Variants in FRA10AC1 observed in about 807,000 individuals in gnomAD.
FRA10AC1 encodes the protein protein FRA10AC1.
FRA10AC1 carries 43 observed loss-of-function variants against 56.5 expected under a neutral mutation model. The observed-to-expected ratio is 0.76, with a 90% CI of 0.60 to 0.98. FRA10AC1 has a LOEUF of 0.98. Among genes scored for constraint, FRA10AC1 ranks in the 50% least tolerant of loss-of-function variants. The pLI is 0.00. For missense variants in FRA10AC1, 346 were observed against 351.8 expected (o/e 0.98, Z 0.13); for synonymous variants, 112 against 110.5 (o/e 1.01, Z -0.09).
intron 11 of FRA10AC1, among the ~76,000 whole-genome samples, chr10:93,678,753 G>T (rs2058884168): frequency 6.6e-6 from 1 of 151,938 alleles, no homozygotes; most frequent in South Asian, 2.1e-4. Context: ...AGGATCACAT[G>T]GGCCTCCGAG....
At chr10:93,696,452 C>T (rs1279024871) in intron 4 of FRA10AC1, among the ~76,000 whole-genome samples, 1 of 152,162 alleles carries the variant, frequency 6.6e-6, no homozygotes, top group Non-Finnish European at 1.5e-5. Context: ...AGTCAGGAAA[C>T]AACAGATGCT....
Position 93,692,662 on chromosome 10 carries a change from C to T in FRA10AC1, c.364G>A (p.Glu122Lys), listed in dbSNP as rs765938342. 1.2e-5 allele frequency: 19 copies of T among 1,594,770 alleles called. No individual in the cohort carries two copies. The highest frequency in any genetic ancestry group is 8.1e-5 in the African/African-American group (6 of 73,916). The change falls in exon 6 of 14, where the codon GAA becomes AAA. Residue 122 changes from glutamate to lysine, a missense_variant. Physicochemically the swap from Glu to Lys is moderately conservative, Grantham distance 56. Transcript: ENST00000359204. ...NHRFLWNEED[E>K]MDMTWEKRLA... ...GCTAATTACCAAGTCATGTCCATTTCGTCCTCCTCATTCCATAGGAATCTA... is the reference window on the plus strand; with the variant it reads ...GCTAATTACCAAGTCATGTCCATTTTGTCCTCCTCATTCCATAGGAATCTA...
intron 7 of FRA10AC1, among the ~76,000 whole-genome samples, chr10:93,690,393 C>T (rs1047359619): frequency 6.6e-6 from 1 of 152,102 alleles, no homozygotes; most frequent in Non-Finnish European, 1.5e-5. Flanking sequence ...AGATTATTTT[C>T]TTTAAAGTAC....
rs1195956459 is a variant in FRA10AC1 at position 93,698,122 on chromosome 10, TA to T, written c.219+13del. 47 of 1,471,706 alleles carry T rather than the reference TA, an allele frequency of 3.2e-5. No individual in the cohort carries two copies. Among genetic ancestry groups the T allele is most frequent in the South Asian group, 9.7e-5 (7 of 72,416 alleles). 91.2% of individuals were successfully genotyped at this position (1,471,706 alleles called of 1,614,324 possible). Reference sequence around the variant, plus strand: ...TCTACTAGTTATAAAAATCTGGAAATAAAAAAAGGATACAGCATCCATAGCT... The same window carrying T: ...TCTACTAGTTATAAAAATCTGGAAATAAAAAAGGATACAGCATCCATAGCT... On this transcript the variant is annotated intron_variant, in intron 4 of 13. Transcript: ENST00000359204.
In FRA10AC1 at chr10:93,694,881, T is replaced by C; in HGVS notation, c.276A>G (p.Lys92=). The C allele has an allele frequency of 6.3e-6, 10 of 1,586,748 alleles. No homozygotes were observed. The highest frequency in any genetic ancestry group is 8.7e-6 in the Non-Finnish European group (10 of 1,155,180). The change falls in exon 5 of 14, where the codon AAA becomes AAG. Residue 92 remains lysine (K), a synonymous_variant. Transcript: ENST00000359204. ...CTTACCCCAAACGCTTGAAGTCTTC[T>C]TTTTTGCCACCATAGTATAAAATAT... ...NDYILYYGGK[K]EDFKRLGEND...
intron 12 of FRA10AC1, chr10:93,673,598 A>G (rs2058799455): frequency 5.6e-6 from 2 of 354,644 alleles, no homozygotes; most frequent in African/African-American, 2.1e-5. Flanking sequence ...TCCAATAATC[A>G]TGGTAACAAA....
intron 8 of FRA10AC1, 53 bp from the exon 9 acceptor site, chr10:93,685,412 A>G (rs548121429): frequency 1.0e-4 from 85 of 841,378 alleles, no homozygotes; most frequent in Non-Finnish European, 1.5e-4. Flanking sequence ...ATATTTATCT[A>G]TATGATCTAG....
chr10:93,687,291 CTT>C, intron 8 of FRA10AC1, 111 bp downstream of exon 8: 1 of 826,532 alleles, frequency 1.2e-6, no homozygotes, highest in African/African-American at 1.8e-5. Context: ...TCTAATTTTA[CTT>C]TTGTAGCTAA....
intron 4 of FRA10AC1, among the ~76,000 whole-genome samples, chr10:93,695,398 A>G (rs1018032566): frequency 1.2e-4 from 18 of 151,812 alleles, no homozygotes; most frequent in African/African-American, 4.1e-4. Flanking sequence ...TTTTATAATT[A>G]TATTTATAAT....
At chr10:93,684,165 T>C (rs2133913984) in intron 9 of FRA10AC1, 67 bp from the exon 10 acceptor site, 1 of 1,191,426 alleles carries the variant, frequency 8.4e-7, no homozygotes, top group Non-Finnish European at 1.2e-6. Flanking sequence ...ACTTTTAATA[T>C]CATAAATTCG....
At chr10:93,682,206 T>C (rs964937636) in intron 10 of FRA10AC1, among the ~76,000 whole-genome samples, 1 of 152,156 alleles carries the variant, frequency 6.6e-6, no homozygotes. Flanking sequence ...TTAATTTTAA[T>C]AGGTTAAGAA....
chr10:93,685,655 A>AT (rs1298067847), intron 8 of FRA10AC1, among the ~76,000 whole-genome samples: 1 of 151,676 alleles, frequency 6.6e-6, no homozygotes, highest in East Asian at 1.9e-4. Context: ...AAGAATGGAC[A>AT]TATTTCTCAG....
At chr10:93,693,528 CACCATATATATATATATAT>C (rs1564820234) in intron 5 of FRA10AC1, among the ~76,000 whole-genome samples, 15 of 10,246 alleles carry the variant, frequency 1.5e-3, no homozygotes, top group African/African-American at 2.6e-3. Flanking sequence ...TATATATATA[CACCATATATATATATATAT>C]ACACACATAC....
At chr10:93,680,335 ATAATT>A (rs1246428681) in intron 11 of FRA10AC1, among the ~76,000 whole-genome samples, 2 of 152,192 alleles carry the variant, frequency 1.3e-5, no homozygotes, top group African/African-American at 4.8e-5. Context: ...AGAGTGGAAA[ATAATT>A]AAGATAGAGA....
intron 12 of FRA10AC1, among the ~76,000 whole-genome samples, chr10:93,676,160 C>G (rs2133898592): frequency 6.6e-6 from 1 of 152,148 alleles, no homozygotes; most frequent in East Asian, 1.9e-4. Flanking sequence ...GCTATTCTAC[C>G]TTATTTTTCC....
chr10:93,694,269 A>C (rs1168006190), intron 5 of FRA10AC1, among the ~76,000 whole-genome samples: 3 of 152,266 alleles, frequency 2.0e-5, no homozygotes, highest in Admixed American at 6.5e-5. Context: ...ATCTTTGCCA[A>C]GAAGACACAT....
At chr10:93,700,568 G>A (rs1589731754) in intron 1 of FRA10AC1, among the ~76,000 whole-genome samples, 1 of 152,316 alleles carries the variant, frequency 6.6e-6, no homozygotes. Context: ...TCAAAGTTAA[G>A]TAAATCTATT....
chr10:93,684,791 T>C (rs2058996761), intron 9 of FRA10AC1, among the ~76,000 whole-genome samples: 1 of 152,190 alleles, frequency 6.6e-6, no homozygotes, highest in African/African-American at 2.4e-5. Flanking sequence ...GAGTATTTAT[T>C]CCCTATGGTT....
intron 4 of FRA10AC1, among the ~76,000 whole-genome samples, chr10:93,695,917 T>C (rs765961092): frequency 6.6e-6 from 1 of 152,154 alleles, no homozygotes; most frequent in Non-Finnish European, 1.5e-5. Context: ...CCATATGGTC[T>C]CTGTTGCAAA....
Sources: allele counts gnomAD v4.1 joint callset (sites outside exome capture counted in the v4.1 genomes callset), GRCh38; gene constraint gnomAD v4.1.1; transcripts MANE v1.5; gene names NCBI Gene and HGNC (gene_info 2026-07-23, HGNC 2026-07-21).